Variants in PLCH1 observed in about 807,000 individuals in gnomAD.
PLCH1 encodes 1-phosphatidylinositol 4,5-bisphosphate phosphodiesterase eta-1.
In PLCH1, 60 loss-of-function variants were observed where a neutral mutation model predicts 126.7. The ratio of observed to expected loss-of-function variants is 0.47; its 90% CI spans 0.38 to 0.59. The LOEUF (loss-of-function observed/expected upper bound fraction) is 0.59. PLCH1 is among the 20% of genes least tolerant of loss of function. PLCH1 has a pLI of 0.00. For synonymous variants in PLCH1, 719 were observed against 734.9 expected, an observed-to-expected ratio of 0.98 and a Z score of 0.35; for missense variants, 1,723 against 2,040.0, an observed-to-expected ratio of 0.84 and a Z score of 2.99.
intron 1 of PLCH1, among the ~76,000 whole-genome samples, chr3:155,736,863 T>C (rs375804018): frequency 3.3e-5 from 5 of 152,136 alleles, no homozygotes; most frequent in African/African-American, 1.2e-4. Flanking sequence ...TATATTCTCT[T>C]TTTCTTTCTT....
At chr3:155,598,015 C>G (rs1447092918) in intron 2 of PLCH1, among the ~76,000 whole-genome samples, 2 of 152,044 alleles carry the variant, frequency 1.3e-5, no homozygotes, top group Non-Finnish European at 2.9e-5. Context: ...GAAACCCCAT[C>G]TCTACTAAAA....
In PLCH1 at chr3:155,480,193, GTTCGCAGTCTGTAA is replaced by G. The variant is rs1560037666; in HGVS notation, c.*761_*774del. The G allele has an allele frequency of 6.6e-6, 1 of 152,610 alleles. No homozygotes were observed. The highest frequency in any genetic ancestry group is 2.4e-5 in the African/African-American group (1 of 41,448). 9.5% of individuals were successfully genotyped at this position (152,610 alleles called of 1,614,324 possible). ...GAAGTCCCTCATTCTGAAAGCCGTT[GTTCGCAGTCTGTAA>G]TTCAATCAGAAAATTCAAAAGTACA... On this transcript the variant is annotated 3_prime_UTR_variant, in exon 23 of 23. Coordinates refer to ENST00000460012, the MANE Select transcript of PLCH1 (RefSeq NM_014996.4).
intron 1 of PLCH1, among the ~76,000 whole-genome samples, chr3:155,735,812 G>C (rs1391873464): frequency 6.6e-6 from 1 of 152,012 alleles, no homozygotes; most frequent in Non-Finnish European, 1.5e-5. Context: ...AATAGTTTAA[G>C]GAAGCTCTTA....
At position 155,549,845 on chromosome 3, in the gene PLCH1, G is replaced by A; in HGVS notation, c.1304C>T (p.Thr435Ile). 10 of 1,613,964 alleles carry A rather than the reference G, an allele frequency of 6.2e-6. No homozygotes were observed. Among genetic ancestry groups the A allele is most frequent in the Non-Finnish European group, 5.1e-6 (6 of 1,179,848 alleles). Residue 435 changes from threonine to isoleucine, a missense_variant, in exon 10 of 23, where the codon ACA (threonine) becomes ATA (isoleucine). By Grantham distance (89) the Thr-to-Ile change is moderately conservative. This residue lies in a region of PLCH1 where 776 missense variants were observed against 1,062.9 expected (regional missense o/e 0.73). Coordinates refer to ENST00000460012, the MANE Select transcript of PLCH1 (RefSeq NM_014996.4). Reference protein sequence around the residue: ...GDKLDLSSVDTGECKQLPSPQ... With the variant: ...GDKLDLSSVDIGECKQLPSPQ... ...GCTTGGAAGCTGCTTGCACTCCCCT[G>A]TATCAACAGATGACAGGTCCAGTTT...
intron 10 of PLCH1, among the ~76,000 whole-genome samples, chr3:155,539,411 C>T (rs1192856019): frequency 6.6e-6 from 1 of 152,116 alleles, no homozygotes; most frequent in African/African-American, 2.4e-5. Flanking sequence ...CCAAGGCAAT[C>T]AGACAAGCGA....
At chr3:155,624,459 T>C (rs1405425611) in intron 2 of PLCH1, among the ~76,000 whole-genome samples, 2 of 152,172 alleles carry the variant, frequency 1.3e-5, no homozygotes, top group Non-Finnish European at 2.9e-5. Context: ...GGAGTCAAAT[T>C]GTCTCTGTTT....
chr3:155,649,645 G>A (rs533619195), intron 2 of PLCH1, among the ~76,000 whole-genome samples: 2 of 152,114 alleles, frequency 1.3e-5, no homozygotes, highest in African/African-American at 2.4e-5. Flanking sequence ...TGATGGTAGT[G>A]GGAATTGGGA....
intron 6 of PLCH1, among the ~76,000 whole-genome samples, chr3:155,580,818 C>T (rs1210983372): frequency 6.6e-6 from 1 of 152,020 alleles, no homozygotes; most frequent in African/African-American, 2.4e-5. Context: ...CGTTAAAAAG[C>T]ATGTTGTTTT....
intron 11 of PLCH1, among the ~76,000 whole-genome samples, chr3:155,518,287 A>C (rs982837357): frequency 6.6e-6 from 1 of 152,216 alleles, no homozygotes; most frequent in African/African-American, 2.4e-5. Flanking sequence ...TCATGTAAAG[A>C]TACTTCATTT....
chr3:155,555,158 AAT>A (rs1309364052), intron 8 of PLCH1, among the ~76,000 whole-genome samples: 3 of 152,232 alleles, frequency 2.0e-5, no homozygotes, highest in African/African-American at 7.2e-5. Context: ...TGGATTAATA[AAT>A]ATCTTACCTC....
At chr3:155,469,526 C>T (rs1407580619) in intron 21 of PLCH1, among the ~76,000 whole-genome samples, 1 of 152,118 alleles carries the variant, frequency 6.6e-6, no homozygotes, top group Non-Finnish European at 1.5e-5. Flanking sequence ...CCCAGGCTTG[C>T]TTAGGTAAAC....
At chr3:155,625,268 A>G (rs1488075031) in intron 2 of PLCH1, among the ~76,000 whole-genome samples, 1 of 152,176 alleles carries the variant, frequency 6.6e-6, no homozygotes, top group Non-Finnish European at 1.5e-5. Context: ...ACTTAAACGT[A>G]AGATCTAAAA....
chr3:155,599,674 AGAGATCT>A (rs1310360511), intron 2 of PLCH1, among the ~76,000 whole-genome samples: 2 of 152,248 alleles, frequency 1.3e-5, no homozygotes, highest in African/African-American at 4.8e-5. Flanking sequence ...CTATATTATC[AGAGATCT>A]AACAGCAAGG....
At chr3:155,497,001 C>G (rs1309570027) in intron 15 of PLCH1, among the ~76,000 whole-genome samples, 3 of 152,162 alleles carry the variant, frequency 2.0e-5, no homozygotes, top group Non-Finnish European at 4.4e-5. Context: ...GTCCTCAAGC[C>G]GGGCCTGGAC....
rs139407490 is a variant in PLCH1 at position 155,593,263 on chromosome 3, A to G, written c.470+678T>C. Among the ~76,000 whole-genome samples the G allele has an allele frequency of 6.5e-3, 990 of 152,318 alleles. 16 individuals carry two copies. Among genetic ancestry groups the G allele is most frequent in the African/African-American group, 0.023 (936 of 41,570 alleles). On this transcript the variant is annotated intron_variant, in intron 4 of 22. Transcript: ENST00000460012. ...GAAAGGCCTTGCTATATGCCCAGTC[A>G]ATCCCAGCAAGAAGGATGCCTGCAG... is the stretch of plus-strand genomic sequence containing the variant.
At chr3:155,458,908 C>T (rs1386031935) in intron 21 of PLCH1, among the ~76,000 whole-genome samples, 4 of 152,148 alleles carry the variant, frequency 2.6e-5, no homozygotes, top group African/African-American at 9.7e-5. Flanking sequence ...ACTCTTTTCC[C>T]CCTTACTCTT....
intron 2 of PLCH1, among the ~76,000 whole-genome samples, chr3:155,629,439 A>C (rs981000037): frequency 6.6e-6 from 1 of 152,238 alleles, no homozygotes; most frequent in South Asian, 2.1e-4. Context: ...TAACTGCTGA[A>C]GATGACAAGC....
chr3:155,634,019 C>T (rs971999918), intron 2 of PLCH1, among the ~76,000 whole-genome samples: 6 of 152,082 alleles, frequency 3.9e-5, no homozygotes, highest in Admixed American at 2.0e-4. Context: ...CTCTAAATTC[C>T]TTTGAGTTGT....
rs770825552 is a variant in PLCH1, at chr3:155,482,671, C to T, written c.3355G>A (p.Val1119Ile). 1.8e-5 allele frequency: 29 copies of T among 1,614,050 alleles called. No homozygotes were observed. The highest frequency in any genetic ancestry group is 1.3e-4 in the African/African-American group (10 of 74,912). Residue 1119 changes from valine (V) to isoleucine (I), a missense_variant, in exon 23 of 23, where the codon GTC becomes ATC. This residue lies in a region of PLCH1 where 947 missense variants were observed against 977.1 expected (regional missense o/e 0.97). Transcript: ENST00000460012. ...VEGKSILSGSVLSHSNLEIKN... is the reference protein window; with the variant it reads ...VEGKSILSGSILSHSNLEIKN... ...ATTTCTAGGTTGCTATGAGAAAGGACGCTTCCTGACAAGATGCTTTTCCCT... is the reference window on the plus strand; with the variant it reads ...ATTTCTAGGTTGCTATGAGAAAGGATGCTTCCTGACAAGATGCTTTTCCCT...
Sources: allele counts gnomAD v4.1 joint callset (sites outside exome capture counted in the v4.1 genomes callset), GRCh38; gene constraint gnomAD v4.1.1; regional missense constraint gnomAD v4.1.1; transcripts MANE v1.5; gene names NCBI Gene and HGNC (gene_info 2026-07-23, HGNC 2026-07-21).